The following PXDNL variants were observed in gnomAD, a reference collection of about 807,000 sequenced individuals.
PXDNL encodes probable oxidoreductase PXDNL.
Under a neutral mutation model 150.8 loss-of-function variants are expected in PXDNL, and 145 were observed. The observed-to-expected ratio is 0.96, with a 90% confidence interval of 0.84 to 1.10. The LOEUF is 1.10. Ranked by LOEUF, PXDNL falls within the 50% of genes least tolerant of loss-of-function variation. The probability of loss-of-function intolerance (pLI) is 0.00; values close to 1 mark genes in which losing one functional copy is unlikely to be tolerated. For missense variants in PXDNL, 2,087 were observed against 1,873.9 expected (o/e 1.11, Z -2.10); for synonymous variants, 757 against 725.7 (o/e 1.04, Z -0.69).
intron 4 of PXDNL, among the ~76,000 whole-genome samples, chr8:51,517,448 C>T (rs1031607742): frequency 6.6e-6 from 1 of 152,120 alleles, no homozygotes; most frequent in African/African-American, 2.4e-5. Flanking sequence ...TAATAATGCT[C>T]AGGGTGCTAA....
At chr8:51,497,828 G>C (rs1217648843) in intron 5 of PXDNL, among the ~76,000 whole-genome samples, 1 of 152,162 alleles carries the variant, frequency 6.6e-6, no homozygotes, top group East Asian at 1.9e-4. Context: ...TTTACACTGT[G>C]GGTGGGACTC....
intron 5 of PXDNL, among the ~76,000 whole-genome samples, chr8:51,489,923 C>G (rs948008503): frequency 1.3e-5 from 2 of 152,112 alleles, no homozygotes; most frequent in African/African-American, 4.8e-5. Context: ...AGACCAGAAA[C>G]CATGGACTTC....
chr8:51,715,081 A>C (rs149391408), intron 1 of PXDNL, among the ~76,000 whole-genome samples: 147 of 152,328 alleles, frequency 9.7e-4, no homozygotes, highest in African/African-American at 3.5e-3. Flanking sequence ...TTCTTAAAAG[A>C]TAAATATTAA....
At chr8:51,728,094 T>C (rs1479512518) in intron 1 of PXDNL, among the ~76,000 whole-genome samples, 2 of 152,204 alleles carry the variant, frequency 1.3e-5, no homozygotes, top group East Asian at 1.9e-4. Flanking sequence ...GGTGGTCCCA[T>C]AGGATTACAA....
At chr8:51,432,072 A>G (rs932013530) in intron 12 of PXDNL, among the ~76,000 whole-genome samples, 4 of 152,212 alleles carry the variant, frequency 2.6e-5, no homozygotes, top group African/African-American at 9.6e-5. Flanking sequence ...TTTCTATACT[A>G]TCATAATGAT....
At chr8:51,619,872 C>T (rs1585625920) in intron 2 of PXDNL, among the ~76,000 whole-genome samples, 1 of 152,200 alleles carries the variant, frequency 6.6e-6, no homozygotes, top group African/African-American at 2.4e-5. Context: ...TTCATCCAAT[C>T]AGATTTCCAC....
intron 2 of PXDNL, among the ~76,000 whole-genome samples, chr8:51,615,091 T>G (rs543161896): frequency 6.6e-6 from 1 of 152,216 alleles, no homozygotes; most frequent in Non-Finnish European, 1.5e-5. Context: ...CAATCAGACA[T>G]GCTCAGTGGT....
In PXDNL at chr8:51,700,168, TACACACACAC is replaced by T. The variant is rs58406482; in HGVS notation, c.165-45418_165-45409del. Among the ~76,000 whole-genome samples, 6 of 139,918 alleles carry T rather than the reference TACACACACAC, an allele frequency of 4.3e-5. No homozygotes were observed. In the South Asian group the frequency reaches 1.3e-3, roughly 31 times the overall value. The allele number at this position is 139,918 out of a possible 152,430, so 91.8% of individuals were successfully genotyped here. A position where few individuals can be genotyped will look rare whatever the true frequency, so the allele number is the denominator to read the frequency against. ...TGCAATAAAACAAGGTATGCCTGCATACACACACACACACACACACACACACACCATCACA... is the reference window on the plus strand; with the variant it reads ...TGCAATAAAACAAGGTATGCCTGCATACACACACACACACACACCATCACA... On this transcript the variant is annotated intron_variant, in intron 1 of 22. Coordinates refer to ENST00000356297, the MANE Select transcript of PXDNL (RefSeq NM_144651.5).
At chr8:51,535,581 G>C (rs1248066886) in intron 4 of PXDNL, among the ~76,000 whole-genome samples, 1 of 130,120 alleles carries the variant, frequency 7.7e-6, no homozygotes, top group Non-Finnish European at 1.6e-5. Context: ...CAAACACTGC[G>C]GAAGGCCGCA....
chr8:51,496,982 T>C (rs1342077460), intron 5 of PXDNL, among the ~76,000 whole-genome samples: 1 of 152,116 alleles, frequency 6.6e-6, no homozygotes, highest in Non-Finnish European at 1.5e-5. Flanking sequence ...GCCAAGTCAA[T>C]CCTAAGCCAA....
intron 1 of PXDNL, among the ~76,000 whole-genome samples, chr8:51,720,994 C>T (rs530817772): frequency 1.1e-4 from 16 of 152,324 alleles, no homozygotes; most frequent in South Asian, 2.1e-4. Context: ...CCAGGATATC[C>T]GTGGCTCTTC....
chr8:51,711,808 A>G (rs1460240150), intron 1 of PXDNL, among the ~76,000 whole-genome samples: 2 of 152,234 alleles, frequency 1.3e-5, no homozygotes, highest in African/African-American at 2.4e-5. Flanking sequence ...GTAGCTGTCT[A>G]ATTTTCATTA....
At chr8:51,626,495 A>G (rs1308740694) in intron 2 of PXDNL, among the ~76,000 whole-genome samples, 1 of 152,046 alleles carries the variant, frequency 6.6e-6, no homozygotes, top group East Asian at 1.9e-4. Context: ...TTATCTCTAC[A>G]CTAAACTACT....
chr8:51,631,108 G>C (rs1032363778), intron 2 of PXDNL, among the ~76,000 whole-genome samples: 1 of 152,158 alleles, frequency 6.6e-6, no homozygotes, highest in Non-Finnish European at 1.5e-5. Context: ...CCATTAAAAA[G>C]AATGAGATCA....
intron 1 of PXDNL, among the ~76,000 whole-genome samples, chr8:51,773,786 T>C (rs1206647256): frequency 5.9e-5 from 9 of 152,242 alleles, no homozygotes; most frequent in Admixed American, 5.9e-4. Flanking sequence ...TAATTAAGCA[T>C]ATACAATTTA....
At chr8:51,491,388 C>A (rs1023941589) in intron 5 of PXDNL, among the ~76,000 whole-genome samples, 1 of 152,114 alleles carries the variant, frequency 6.6e-6, no homozygotes, top group Non-Finnish European at 1.5e-5. Flanking sequence ...GAGAGAGGGT[C>A]CAGGCTCGAG....
intron 5 of PXDNL, among the ~76,000 whole-genome samples, chr8:51,493,276 A>C (rs1810944511): frequency 6.6e-6 from 1 of 152,176 alleles, no homozygotes. Context: ...CCAAAACCCC[A>C]TCTGTACGTC....
intron 1 of PXDNL, among the ~76,000 whole-genome samples, chr8:51,772,068 C>T (rs1177638710): frequency 1.3e-5 from 2 of 152,054 alleles, no homozygotes; most frequent in Non-Finnish European, 2.9e-5. Flanking sequence ...CACACCACCC[C>T]TTGGTGTCTC....
At chr8:51,389,860 A>AAAAC (rs1358494226) in intron 17 of PXDNL, among the ~76,000 whole-genome samples, 1 of 152,232 alleles carries the variant, frequency 6.6e-6, no homozygotes, top group African/African-American at 2.4e-5. Context: ...AATGCCTTAT[A>AAAAC]AAACACATCA....
Sources: gnomAD v4.1 joint callset for allele counts (sites outside exome capture counted in the v4.1 genomes callset) on GRCh38, gnomAD v4.1.1 for gene constraint, MANE v1.5 for transcripts, NCBI Gene and HGNC (gene_info 2026-07-23, HGNC 2026-07-21) for gene names.